Variants in TESMIN observed in about 807,000 individuals in gnomAD.
TESMIN encodes the protein CXC domain containing 2.
A neutral mutation model predicts 47.4 loss-of-function variants in TESMIN; 34 were observed. The observed-to-expected ratio is 0.72, with a 90% CI of 0.55 to 0.96. TESMIN has a LOEUF of 0.96. Among genes scored for constraint, TESMIN ranks in the 40% least tolerant of loss-of-function variants. The pLI, the probability that TESMIN is intolerant of heterozygous loss-of-function variation, is 0.00. For synonymous variants in TESMIN, 278 were observed against 258.9 expected (o/e 1.07, Z -0.71); for missense variants, 610 against 637.2 (o/e 0.96, Z 0.46).
rs191862043 is a variant in TESMIN, at chr11:68,744,794, G to T, written c.751+197C>A. ...GAGGGACAGCTATCCAAGAATTTGA[G>T]ACAGTCAGTACAGGGTACAAAAATT... On this transcript the variant is annotated intron_variant, in intron 4 of 9. Coordinates refer to ENST00000255087, the MANE Select transcript of TESMIN (RefSeq NM_004923.3). The T allele has an allele frequency of 1.3e-3, 505 of 378,500 alleles. 2 individuals carry two copies. The highest frequency in any genetic ancestry group is 9.9e-3 in the African/African-American group (472 of 47,678). 23.4% of individuals were successfully genotyped at this position (378,500 alleles called of 1,614,324 possible). A position where few individuals can be genotyped will look rare whatever the true frequency, so the allele number is the denominator to read the frequency against.
chr11:68,713,644 C>T (rs1485115363), intron 7 of TESMIN, among the ~76,000 whole-genome samples: 1 of 152,112 alleles, frequency 6.6e-6, no homozygotes, highest in African/African-American at 2.4e-5. Flanking sequence ...CCAAGTCTTA[C>T]ATATTTACTG....
chr11:68,741,091 C>T (rs1946449973), intron 5 of TESMIN, among the ~76,000 whole-genome samples: 1 of 152,182 alleles, frequency 6.6e-6, no homozygotes, highest in Non-Finnish European at 1.5e-5. Context: ...TTGCCACCTC[C>T]ACTGCCACCA....
chr11:68,739,858 C>T (rs1437045787), intron 5 of TESMIN, among the ~76,000 whole-genome samples: 3 of 152,232 alleles, frequency 2.0e-5, no homozygotes, highest in Non-Finnish European at 2.9e-5. Flanking sequence ...CTTCAAATGT[C>T]AGTCTGAAGA....
chr11:68,714,191 T>C (rs1946106742), intron 7 of TESMIN, among the ~76,000 whole-genome samples: 1 of 152,234 alleles, frequency 6.6e-6, no homozygotes, highest in Non-Finnish European at 1.5e-5. Flanking sequence ...ACATTTGGAA[T>C]CGGTGCTGTC....
At chr11:68,736,269 A>G in intron 6 of TESMIN, 1 of 985,466 alleles carries the variant, frequency 1.0e-6, no homozygotes, top group Non-Finnish European at 1.2e-6. Flanking sequence ...AAGGATTTGT[A>G]TTAAAGAGTT....
In TESMIN at chr11:68,708,301, TTATACTC is replaced by T. The variant is rs779082196; in HGVS notation, c.1527_*6del. 7.6e-6 allele frequency: 12 copies of T among 1,587,908 alleles called. No homozygotes were observed. The highest frequency in any genetic ancestry group is 2.7e-5 in the African/African-American group (2 of 74,178). On this transcript the variant is annotated stop_retained_variant and 3_prime_UTR_variant, in exon 10 of 10. Transcript: ENST00000255087. ...GACAAAATCAACATGCATTCACACT[TTATACTC>T]TACTCCATTTTCAATCCCTTAGATT...
chr11:68,705,532 A>G (rs926917501), downstream of TESMIN, among the ~76,000 whole-genome samples: 4 of 152,226 alleles, frequency 2.6e-5, no homozygotes, highest in African/African-American at 7.2e-5. Context: ...CTTTCTGTGC[A>G]GTGCGCAGCC....
intron 6 of TESMIN, among the ~76,000 whole-genome samples, chr11:68,732,430 A>T (rs1447112081): frequency 6.6e-6 from 1 of 152,184 alleles, no homozygotes; most frequent in Non-Finnish European, 1.5e-5. Flanking sequence ...ACCCTGCTTT[A>T]GGCTTCATGG....
chr11:68,746,065 C>A (rs905365159), intron 3 of TESMIN, among the ~76,000 whole-genome samples: 9 of 152,330 alleles, frequency 5.9e-5, no homozygotes, highest in Admixed American at 4.6e-4. Context: ...ATTGGACCTA[C>A]TATGGTCATT....
intron 7 of TESMIN, among the ~76,000 whole-genome samples, chr11:68,714,167 G>A (rs570664385): frequency 2.6e-5 from 4 of 152,302 alleles, no homozygotes; most frequent in African/African-American, 9.6e-5. Flanking sequence ...CCTCCGTTCC[G>A]CTTCCTGGGG....
At chr11:68,724,190 C>A (rs917590568) in intron 6 of TESMIN, among the ~76,000 whole-genome samples, 1 of 152,060 alleles carries the variant, frequency 6.6e-6, no homozygotes, top group Admixed American at 6.5e-5. Context: ...GGGCTTAATC[C>A]CTGGAATGCA....
chr11:68,715,856 T>G lies in TESMIN; in HGVS notation c.1001A>C (p.Glu334Ala), dbSNP rs1231583433. The G allele has an allele frequency of 6.2e-7, 1 of 1,608,800 alleles. No individual in the cohort carries two copies. Among genetic ancestry groups the G allele is most frequent in the Non-Finnish European group, 8.5e-7 (1 of 1,175,348 alleles). ...TATTACCTTAATGGCTTTAAACCGT[T>G]CAATATCATGATGCAAGTTGTTGCA... ...NCCNNLHHDI[E>A]RFKAIKACLG... The change falls in exon 7 of 10, where the codon GAA becomes GCA. Residue 334 changes from glutamate to alanine, a missense_variant. By Grantham distance (107) the Glu-to-Ala change is moderately radical. Coordinates refer to ENST00000255087, the MANE Select transcript of TESMIN (RefSeq NM_004923.3).
chr11:68,714,510 C>G (rs1416729178), intron 7 of TESMIN, among the ~76,000 whole-genome samples: 3 of 152,226 alleles, frequency 2.0e-5, no homozygotes, highest in Non-Finnish European at 4.4e-5. Flanking sequence ...TTAGGTTTGC[C>G]TATGCTGGTG....
downstream of TESMIN, among the ~76,000 whole-genome samples, chr11:68,705,094 G>A (rs569288278): frequency 9.2e-5 from 14 of 152,288 alleles, no homozygotes; most frequent in Admixed American, 8.5e-4. Context: ...CTGAGGCTAA[G>A]GACTCCTGGG....
chr11:68,746,523 G>T (rs1477740187), intron 3 of TESMIN, among the ~76,000 whole-genome samples: 1 of 152,156 alleles, frequency 6.6e-6, no homozygotes, highest in Non-Finnish European at 1.5e-5. Flanking sequence ...TAGGAATAAA[G>T]AATTGCTGGG....
intron 4 of TESMIN, among the ~76,000 whole-genome samples, chr11:68,743,537 C>A (rs12278328): frequency 6.6e-6 from 1 of 152,132 alleles, no homozygotes. Flanking sequence ...GCGTGAGCCA[C>A]GGCAGCCAGC....
chr11:68,739,001 A>G (rs1316675296), intron 5 of TESMIN, among the ~76,000 whole-genome samples: 1 of 151,890 alleles, frequency 6.6e-6, no homozygotes, highest in African/African-American at 2.4e-5. Flanking sequence ...GGAAGTGTGC[A>G]AAGATGTCTG....
At chr11:68,747,736 T>C (rs1295748702) in intron 2 of TESMIN, among the ~76,000 whole-genome samples, 1 of 152,168 alleles carries the variant, frequency 6.6e-6, no homozygotes, top group Non-Finnish European at 1.5e-5. Flanking sequence ...AGATTTGTAA[T>C]TAGGTAGTAG....
intron 6 of TESMIN, among the ~76,000 whole-genome samples, chr11:68,727,808 C>T (rs1946282499): frequency 6.6e-6 from 1 of 152,154 alleles, no homozygotes; most frequent in African/African-American, 2.4e-5. Context: ...CTTTTCATTA[C>T]TGTTATGTCT....
Sources: gnomAD v4.1 joint callset for allele counts (sites outside exome capture counted in the v4.1 genomes callset) on GRCh38, gnomAD v4.1.1 for gene constraint, MANE v1.5 for transcripts, NCBI Gene and HGNC (gene_info 2026-07-23, HGNC 2026-07-21) for gene names.